Variants in GMDS observed in about 807,000 individuals in gnomAD.
GMDS encodes GDP-mannose 4,6 dehydratase.
In GMDS, 20 loss-of-function variants were observed where a neutral mutation model predicts 49.9. That is an observed-to-expected ratio of 0.40 (90% CI 0.28 to 0.58). The LOEUF is 0.58. Ranked by LOEUF, GMDS falls within the 20% of genes least tolerant of loss-of-function variation. GMDS has a pLI of 0.42. For missense variants in GMDS, 362 were observed against 481.4 expected (o/e 0.75, Z 2.32); for synonymous variants, 177 against 178.6 (o/e 0.99, Z 0.07).
chr6:1,998,954 T>A (rs1766467555), intron 4 of GMDS, among the ~76,000 whole-genome samples: 1 of 151,976 alleles, frequency 6.6e-6, no homozygotes, highest in African/African-American at 2.4e-5. Flanking sequence ...GCCAAAAAAG[T>A]ACAAATAGAT....
chr6:2,024,448 G>C (rs1024991002), intron 4 of GMDS, among the ~76,000 whole-genome samples: 3 of 152,022 alleles, frequency 2.0e-5, no homozygotes, highest in Admixed American at 2.0e-4. Flanking sequence ...ATGATTAATT[G>C]GAAAGAAAGG....
rs139272142 is a variant in GMDS, at chr6:1,993,206, C to T, written c.346-32240G>A. Among the ~76,000 whole-genome samples, 819 of 152,230 alleles carry T rather than the reference C, an allele frequency of 5.4e-3. 9 individuals carry two copies. The highest frequency in any genetic ancestry group is 0.037 in the Middle Eastern group (11 of 294). ...AGTCCACCAAACTTCTCTTCCTTCT[C>T]GGAGGGTATGGGTATTCTCGCTTCT... On this transcript the variant is annotated intron_variant, in intron 4 of 10. Coordinates refer to ENST00000380815, the MANE Select transcript of GMDS (RefSeq NM_001500.4).
At chr6:2,014,731 T>G (rs529730682) in intron 4 of GMDS, among the ~76,000 whole-genome samples, 1 of 152,184 alleles carries the variant, frequency 6.6e-6, no homozygotes, top group African/African-American at 2.4e-5. Context: ...TATCAATAAT[T>G]ATTTGCAATG....
intron 9 of GMDS, among the ~76,000 whole-genome samples, chr6:1,655,761 T>C (rs1763859041): frequency 6.6e-6 from 1 of 152,170 alleles, no homozygotes; most frequent in African/African-American, 2.4e-5. Context: ...CACCTCAGCC[T>C]CCCAAAGTGC....
At chr6:2,000,576 G>T (rs528758900) in intron 4 of GMDS, among the ~76,000 whole-genome samples, 3 of 152,172 alleles carry the variant, frequency 2.0e-5, no homozygotes, top group Non-Finnish European at 4.4e-5. Context: ...TATTTTTAAG[G>T]TTCATCTATA....
chr6:2,063,222 A>C (rs546039843), intron 4 of GMDS, among the ~76,000 whole-genome samples: 1 of 152,386 alleles, frequency 6.6e-6, no homozygotes, highest in South Asian at 2.1e-4. Flanking sequence ...GAGTATTATA[A>C]TAAATCTCAA....
intron 1 of GMDS, among the ~76,000 whole-genome samples, chr6:2,129,334 G>C (rs1459317100): frequency 1.3e-5 from 2 of 152,106 alleles, no homozygotes; most frequent in Non-Finnish European, 2.9e-5. Context: ...AGGAAGACTA[G>C]CATTTTTCTC....
chr6:1,776,486 G>A (rs889021857), intron 7 of GMDS, among the ~76,000 whole-genome samples: 6 of 150,800 alleles, frequency 4.0e-5, no homozygotes, highest in African/African-American at 1.5e-4. Flanking sequence ...CCAGGAGTTT[G>A]ATACCAGCCT....
chr6:1,865,829 C>G (rs1014016536), intron 7 of GMDS, among the ~76,000 whole-genome samples: 7 of 152,078 alleles, frequency 4.6e-5, no homozygotes, highest in African/African-American at 1.7e-4. Flanking sequence ...TATCTCCTCA[C>G]ACCACAGGCT....
chr6:1,872,864 G>A (rs1758844889), intron 7 of GMDS, among the ~76,000 whole-genome samples: 1 of 152,240 alleles, frequency 6.6e-6, no homozygotes, highest in Non-Finnish European at 1.5e-5. Context: ...CCCGCCCCCA[G>A]CCCCCGACAG....
intron 9 of GMDS, among the ~76,000 whole-genome samples, chr6:1,713,027 T>A (rs191610883): frequency 3.3e-4 from 50 of 152,212 alleles, no homozygotes; most frequent in Non-Finnish European, 5.4e-4. Flanking sequence ...TCTGCGTTTC[T>A]CCCAAAGCAA....
chr6:1,985,703 G>A (rs1169899721), intron 4 of GMDS, among the ~76,000 whole-genome samples: 3 of 152,122 alleles, frequency 2.0e-5, no homozygotes, highest in Non-Finnish European at 2.9e-5. Flanking sequence ...AATACACCTA[G>A]AAAACTCATA....
chr6:1,807,747 G>C (rs1339129999), intron 7 of GMDS, among the ~76,000 whole-genome samples: 1 of 152,138 alleles, frequency 6.6e-6, no homozygotes, highest in African/African-American at 2.4e-5. Flanking sequence ...CACAAAATTA[G>C]TTAGCAGTGG....
rs1768377376 is a variant in GMDS, at chr6:1,766,898, G to T, written c.772-24312C>A. On this transcript the variant is annotated intron_variant, in intron 7 of 10. Transcript: ENST00000380815. The surrounding 1 kb of genome is among the most constrained non-coding windows in gnomAD (Gnocchi z 4.5). ...CTAGGTCTCCCAGCTCAGCAATCTG[G>T]CTTAAAGGAGCACCGGGTAAGGGTT... Among the ~76,000 whole-genome samples the T allele has an allele frequency of 6.6e-6, 1 of 152,236 alleles. No homozygotes were observed. The highest frequency in any genetic ancestry group is 2.1e-4 in the South Asian group (1 of 4,836).
intron 4 of GMDS, among the ~76,000 whole-genome samples, chr6:1,999,071 C>T (rs1233366927): frequency 6.6e-6 from 1 of 152,054 alleles, no homozygotes. Flanking sequence ...CGCCTGTAAT[C>T]CCAGCACTTT....
At chr6:1,965,553 T>G (rs1183624929) in intron 4 of GMDS, among the ~76,000 whole-genome samples, 1 of 152,214 alleles carries the variant, frequency 6.6e-6, no homozygotes, top group Non-Finnish European at 1.5e-5. Context: ...CCAGGCACAG[T>G]GGCTCACACC....
At chr6:1,810,343 G>T (rs554923703) in intron 7 of GMDS, among the ~76,000 whole-genome samples, 1 of 152,176 alleles carries the variant, frequency 6.6e-6, no homozygotes, top group African/African-American at 2.4e-5. Flanking sequence ...ACCCAGGCTG[G>T]AGTGCAGTGA....
rs540323797 is a variant in GMDS at position 1,812,268 on chromosome 6, C to A, written c.772-69682G>T. The stretch of plus-strand genomic sequence containing the variant: ...AGGACCAGCAAAGTACACAGGACTC[C>A]GAGCACAGAGCAAGTTAAAGAAAGG... On this transcript the variant is annotated intron_variant, in intron 7 of 10. Coordinates refer to ENST00000380815, the MANE Select transcript of GMDS (RefSeq NM_001500.4). Among the ~76,000 whole-genome samples, 7 of 152,154 alleles carry A rather than the reference C, an allele frequency of 4.6e-5. No individual in the cohort carries two copies. In the East Asian group the frequency reaches 1.4e-3, roughly 29 times the overall value.
intron 7 of GMDS, among the ~76,000 whole-genome samples, chr6:1,918,795 C>T (rs1166669087): frequency 6.6e-6 from 1 of 152,074 alleles, no homozygotes; most frequent in Non-Finnish European, 1.5e-5. Context: ...GGAATAAAGT[C>T]TAATAATAGT....
Sources: allele counts gnomAD v4.1 joint callset (sites outside exome capture counted in the v4.1 genomes callset), GRCh38; gene constraint gnomAD v4.1.1; non-coding constraint Gnocchi (gnomAD v3.1); transcripts MANE v1.5; gene names NCBI Gene and HGNC (gene_info 2026-07-23, HGNC 2026-07-21).